Variants in RAP1A observed in about 807,000 individuals in gnomAD.
RAP1A encodes the protein RAP1A, member of RAS oncogene family.
In RAP1A, 6 loss-of-function variants were observed where a neutral mutation model predicts 26.4. The observed-to-expected ratio is 0.23, with a 90% CI of 0.12 to 0.45. The LOEUF is 0.45. RAP1A is among the 20% of genes least tolerant of loss of function. The pLI, the probability that RAP1A is intolerant of heterozygous loss-of-function variation, is 0.99. For synonymous variants in RAP1A, 73 were observed against 79.4 expected, an observed-to-expected ratio of 0.92 and a Z score of 0.43; for missense variants, 121 against 217.2, an observed-to-expected ratio of 0.56 and a Z score of 2.78.
At chr1:111,549,582 G>A (rs374105460) in intron 1 of RAP1A, among the ~76,000 whole-genome samples, 117 of 151,428 alleles carry the variant, frequency 7.7e-4, no homozygotes, top group African/African-American at 2.5e-3. Context: ...CTGAGGAGGC[G>A]GAGGTTGTGG....
intron 1 of RAP1A, among the ~76,000 whole-genome samples, chr1:111,640,145 C>T (rs929913337): frequency 6.6e-6 from 1 of 152,196 alleles, no homozygotes; most frequent in African/African-American, 2.4e-5. Context: ...TAAAGCCTTA[C>T]CCTCCACCTT....
chr1:111,703,770 A>G (rs918399334), intron 5 of RAP1A, among the ~76,000 whole-genome samples: 2 of 152,220 alleles, frequency 1.3e-5, no homozygotes, highest in Non-Finnish European at 1.5e-5. Context: ...ACCTGAGTTG[A>G]GCTTTGAAAG....
At chr1:111,582,346 C>A (rs906551642) in intron 1 of RAP1A, among the ~76,000 whole-genome samples, 4 of 152,192 alleles carry the variant, frequency 2.6e-5, no homozygotes, top group African/African-American at 9.7e-5. Flanking sequence ...AAGTCAGCAG[C>A]TCTTAATTTT....
chr1:111,651,205 G>A (rs973094458), intron 1 of RAP1A, among the ~76,000 whole-genome samples: 16 of 152,120 alleles, frequency 1.1e-4, no homozygotes, highest in African/African-American at 3.9e-4. Flanking sequence ...GGAACAGATA[G>A]CAAGTTCTTC....
intron 1 of RAP1A, among the ~76,000 whole-genome samples, chr1:111,610,411 C>T (rs72983189): frequency 0.011 from 1,724 of 152,222 alleles, 25 homozygotes; most frequent in African/African-American, 0.039. Context: ...TTCTACTTTT[C>T]GGACTCAGCT....
intron 1 of RAP1A, among the ~76,000 whole-genome samples, chr1:111,641,090 G>C (rs1659875735): frequency 6.6e-6 from 1 of 152,214 alleles, no homozygotes; most frequent in South Asian, 2.1e-4. Context: ...TCAGTTTGCT[G>C]TGTATCCTTA....
chr1:111,565,112 A>G (rs1283800708), intron 1 of RAP1A, among the ~76,000 whole-genome samples: 2 of 152,196 alleles, frequency 1.3e-5, no homozygotes, highest in South Asian at 2.1e-4. Flanking sequence ...AGGGTTTTCC[A>G]GGCACAGAGA....
intron 1 of RAP1A, among the ~76,000 whole-genome samples, chr1:111,677,449 T>A (rs1661163404): frequency 6.6e-6 from 1 of 152,128 alleles, no homozygotes; most frequent in Non-Finnish European, 1.5e-5. Context: ...ACAATAATCA[T>A]TTTTTTTCTG....
chr1:111,684,779 C>A (rs1206621295), intron 1 of RAP1A, among the ~76,000 whole-genome samples: 1 of 151,994 alleles, frequency 6.6e-6, no homozygotes, highest in Admixed American at 6.6e-5. Context: ...AGAAAAAAAG[C>A]TACTTCAAAT....
chr1:111,654,320 G>C (rs1320151388), intron 1 of RAP1A, among the ~76,000 whole-genome samples: 1 of 151,860 alleles, frequency 6.6e-6, no homozygotes, highest in Non-Finnish European at 1.5e-5. Context: ...ATACTTTCTT[G>C]TTCTTGCCAC....
At chr1:111,706,063 T>C (rs982838874) in intron 6 of RAP1A, among the ~76,000 whole-genome samples, 1 of 152,216 alleles carries the variant, frequency 6.6e-6, no homozygotes, top group African/African-American at 2.4e-5. Flanking sequence ...AGAGATACTT[T>C]TTCATAGCAG....
chr1:111,580,401 G>C (rs1277643719), intron 1 of RAP1A, among the ~76,000 whole-genome samples: 1 of 152,168 alleles, frequency 6.6e-6, no homozygotes, highest in Admixed American at 6.5e-5. Context: ...TTTTTGAGAT[G>C]GTTGTAAGGC....
intron 1 of RAP1A, among the ~76,000 whole-genome samples, chr1:111,689,551 T>A (rs1661603997): frequency 6.6e-6 from 1 of 152,210 alleles, no homozygotes; most frequent in Non-Finnish European, 1.5e-5. Context: ...GCCATTTTCT[T>A]CCTCATTTTT....
At chr1:111,661,689 C>T (rs767580772) in intron 1 of RAP1A, among the ~76,000 whole-genome samples, 20 of 151,576 alleles carry the variant, frequency 1.3e-4, no homozygotes, top group Non-Finnish European at 2.2e-4. Flanking sequence ...ATCCCAGCTA[C>T]TCAGGAGGTT....
chr1:111,544,111 G>C (rs12747022), intron 1 of RAP1A, among the ~76,000 whole-genome samples: 12,778 of 152,164 alleles, frequency 0.084, 747 homozygotes, highest in Middle Eastern at 0.15. Context: ...AAAATAGCAG[G>C]CTCCCTTTTC....
intron 1 of RAP1A, among the ~76,000 whole-genome samples, chr1:111,637,711 T>C (rs1008419266): frequency 1.3e-5 from 2 of 152,202 alleles, no homozygotes; most frequent in Non-Finnish European, 2.9e-5. Flanking sequence ...TTTGTGAATT[T>C]TCATGATAAA....
intron 1 of RAP1A, among the ~76,000 whole-genome samples, chr1:111,620,912 T>C (rs1284707190): frequency 6.6e-6 from 1 of 152,184 alleles, no homozygotes; most frequent in Non-Finnish European, 1.5e-5. Flanking sequence ...GATCTCCTCT[T>C]AGGGCTGAGA....
intron 1 of RAP1A, among the ~76,000 whole-genome samples, chr1:111,650,835 G>T (rs925341332): frequency 6.6e-6 from 1 of 151,188 alleles, no homozygotes; most frequent in Non-Finnish European, 1.5e-5. Context: ...TTGCTCTGTC[G>T]CCCAGGCTGG....
At chr1:111,625,812 T>C (rs970993962) in intron 1 of RAP1A, among the ~76,000 whole-genome samples, 1 of 152,184 alleles carries the variant, frequency 6.6e-6, no homozygotes, top group African/African-American at 2.4e-5. Flanking sequence ...TATTTCCCTT[T>C]TCTTCCTTTT....
Sources: allele counts gnomAD v4.1 joint callset (sites outside exome capture counted in the v4.1 genomes callset), GRCh38; gene constraint gnomAD v4.1.1; transcripts MANE v1.5; gene names NCBI Gene and HGNC (gene_info 2026-07-23, HGNC 2026-07-21).